WLS: variants seen among roughly 807,000 people sequenced by gnomAD.
The protein encoded by WLS is Wnt ligand secretion mediator.
WLS carries 23 observed loss-of-function variants against 62.8 expected under a neutral mutation model. That is an observed-to-expected ratio of 0.37 (90% CI 0.26 to 0.52). The LOEUF is 0.52. Ranked by LOEUF, WLS falls within the 20% of genes least tolerant of loss-of-function variation. The pLI is 0.92. For missense variants in WLS, 615 were observed against 697.3 expected (o/e 0.88, Z 1.33); for synonymous variants, 246 against 244.1 (o/e 1.01, Z -0.07).
At chr1:68,163,024 G>A (rs2100513306) in intron 2 of WLS, 1 of 1,591,938 alleles carries the variant, frequency 6.3e-7, no homozygotes, top group African/African-American at 1.3e-5. Flanking sequence ...ATGATCTGGG[G>A]GCGGATACCT....
chr1:68,161,890 G>A, intron 2 of WLS: 1 of 1,608,522 alleles, frequency 6.2e-7, no homozygotes. Context: ...TTCCACGGCT[G>A]CAGGAAGTCC....
chr1:68,127,012 G>C (rs150376985), intron 11 of WLS: 1 of 332,650 alleles, frequency 3.0e-6, no homozygotes, highest in Non-Finnish European at 6.0e-6. Flanking sequence ...GCAACAGAGC[G>C]AGACCCTGAC....
chr1:68,126,313 C>T lies in WLS; in HGVS notation c.1539G>A (p.Gly513=). 1 of 1,614,060 alleles carries T rather than the reference C, an allele frequency of 6.2e-7. No individual in the cohort carries two copies. The change falls in exon 12 of 12, where the codon GGG becomes GGA. Residue 513 remains glycine (G), a synonymous_variant. Transcript: ENST00000262348. ...QSNGDLGVHS[G]EELQLTTTIT... is the part of the protein sequence containing the mutation. ...TAGTGGTGGTGAGCTGGAGTTCTTC[C>T]CCACTATGGACACCCAGATCGCCTG...
At position 68,125,767 on chromosome 1, in the gene WLS, T is replaced by C. The variant is rs1646420753; in HGVS notation, c.*459A>G. The C allele has an allele frequency of 1.0e-6, 1 of 988,444 alleles. No homozygotes were observed. Among genetic ancestry groups the C allele is most frequent in the African/African-American group, 1.7e-5 (1 of 57,276 alleles). The allele number at this position is 988,444 out of a possible 1,614,324, so 61.2% of individuals were successfully genotyped here. A position where few individuals can be genotyped will look rare whatever the true frequency, so the allele number is the denominator to read the frequency against. The stretch of plus-strand genomic sequence containing the variant: ...TAGGAAAAAAACAGTGGTCATGGAT[T>C]AGGAGTGAGAAGACTATGACACCAG... On this transcript the variant is annotated 3_prime_UTR_variant, in exon 12 of 12. Transcript: ENST00000262348.
intron 11 of WLS, among the ~76,000 whole-genome samples, chr1:68,115,601 G>A (rs900720608): frequency 2.0e-5 from 3 of 152,054 alleles, no homozygotes; most frequent in Non-Finnish European, 4.4e-5. Context: ...CTATATCATG[G>A]GACTACTGTG....
At chr1:68,170,458 G>A (rs974059879) in intron 2 of WLS, among the ~76,000 whole-genome samples, 9 of 152,110 alleles carry the variant, frequency 5.9e-5, no homozygotes, top group East Asian at 5.8e-4. Flanking sequence ...GTGAGCCACC[G>A]CGCTCGGCCG....
chr1:68,229,983 G>A (rs1650336494), intron 1 of WLS, among the ~76,000 whole-genome samples: 1 of 152,132 alleles, frequency 6.6e-6, no homozygotes, highest in Admixed American at 6.6e-5. Context: ...AATTCTTCGG[G>A]AAAAACAATC....
chr1:68,172,181 G>T (rs1461903800), intron 2 of WLS, among the ~76,000 whole-genome samples: 3 of 151,804 alleles, frequency 2.0e-5, no homozygotes, highest in Admixed American at 2.0e-4. Flanking sequence ...GGATGGGGGA[G>T]GGATAGTATT....
At chr1:68,220,868 A>T (rs532436414) in intron 1 of WLS, among the ~76,000 whole-genome samples, 1 of 152,372 alleles carries the variant, frequency 6.6e-6, no homozygotes, top group East Asian at 1.9e-4. Context: ...AACTAGCCGA[A>T]GTTTTAACAT....
intron 1 of WLS, chr1:68,228,107 T>C: frequency 2.9e-6 from 1 of 350,070 alleles, no homozygotes. Context: ...TTATACAGTA[T>C]ACATTACATC....
intron 2 of WLS, among the ~76,000 whole-genome samples, chr1:68,175,482 T>G (rs1172410002): frequency 6.6e-6 from 1 of 152,198 alleles, no homozygotes; most frequent in African/African-American, 2.4e-5. Flanking sequence ...AGCCAAACAA[T>G]TTGAGTAAGT....
intron 1 of WLS, among the ~76,000 whole-genome samples, chr1:68,215,752 C>A (rs1298933186): frequency 6.6e-6 from 1 of 152,148 alleles, no homozygotes; most frequent in Non-Finnish European, 1.5e-5. Flanking sequence ...CTAAAAATAA[C>A]CTTTCAATGC....
At chr1:68,158,291 C>A (rs1442193289) in intron 3 of WLS, among the ~76,000 whole-genome samples, 2 of 152,130 alleles carry the variant, frequency 1.3e-5, no homozygotes, top group Admixed American at 6.5e-5. Flanking sequence ...TAGCTTTGTT[C>A]TAGGAAACCT....
chr1:68,109,911 T>C (rs539217516), intron 11 of WLS, among the ~76,000 whole-genome samples: 4 of 146,556 alleles, frequency 2.7e-5, no homozygotes, highest in African/African-American at 1.0e-4. Context: ...GAAGAATTGA[T>C]AACAATGTTA....
At chr1:68,129,329 AAAC>A (rs1255950045) in intron 11 of WLS, among the ~76,000 whole-genome samples, 1 of 144,956 alleles carries the variant, frequency 6.9e-6, no homozygotes, top group African/African-American at 2.5e-5. Context: ...AAACTAAACA[AAAC>A]AAAAAACTAC....
At position 68,116,197 on chromosome 1, in the gene WLS, T is replaced by A. The variant is rs548514071; in HGVS notation, c.1511-17444A>T. ...GCAGCTCGGAGATTCAGGCCGCCTT[T>A]GGCTTCCTTGACCCTCCTGTACCCA... On this transcript the variant is annotated intron_variant, in intron 11 of 11. Coordinates refer to the WLS transcript ENST00000354777. Among the ~76,000 whole-genome samples the A allele has an allele frequency of 2.0e-5, 3 of 152,280 alleles. No individual in the cohort carries two copies. In the South Asian group the frequency reaches 6.2e-4, roughly 32 times the overall value.
intron 2 of WLS, among the ~76,000 whole-genome samples, chr1:68,180,650 C>A (rs1647508658): frequency 6.6e-6 from 1 of 152,104 alleles, no homozygotes; most frequent in Admixed American, 6.5e-5. Flanking sequence ...GTTGGATTAC[C>A]AATAAATAGC....
chr1:68,153,595 G>GT lies in WLS; in HGVS notation c.724dup (p.Thr242AsnfsTer51). 6.2e-7 allele frequency: 1 copy of GT among 1,614,192 alleles called. No individual in the cohort carries two copies. The highest frequency in any genetic ancestry group is 8.5e-7 in the Non-Finnish European group (1 of 1,180,026). On this transcript the variant is annotated frameshift_variant, in exon 5 of 12. Coordinates refer to ENST00000262348, the MANE Select transcript of WLS (RefSeq NM_024911.7). LOFTEE classifies it high-confidence loss of function. ...CACCATAATGATGAAGATGCTGGGC[G>GT]TAAGGAAGGTCTTCATGGCAAACCA...
rs975789751 is a variant in WLS, at chr1:68,125,574, C to CA, written c.*651dup. 1.0e-6 allele frequency: 1 copy of CA among 985,426 alleles called. No individual in the cohort carries two copies. Among genetic ancestry groups the CA allele is most frequent in the Non-Finnish European group, 1.2e-6 (1 of 829,922 alleles). 61.0% of individuals were successfully genotyped at this position (985,426 alleles called of 1,614,324 possible). A position where few individuals can be genotyped will look rare whatever the true frequency, so the allele number is the denominator to read the frequency against. On this transcript the variant is annotated 3_prime_UTR_variant, in exon 12 of 12. Coordinates refer to ENST00000262348, the MANE Select transcript of WLS (RefSeq NM_024911.7). ...TTTAGCAAACATTTTTTAAAACCCA[C>CA]ATCCAACAGATTGGTTAGTATTAGA...
Sources: gnomAD v4.1 joint callset for allele counts (sites outside exome capture counted in the v4.1 genomes callset) on GRCh38, gnomAD v4.1.1 for gene constraint, MANE v1.5 for transcripts, NCBI Gene and HGNC (gene_info 2026-07-23, HGNC 2026-07-21) for gene names.